Variants in ANKMY1 observed in about 807,000 individuals in gnomAD.
The protein encoded by ANKMY1 is ankyrin repeat and MYND domain containing 1, also known as ankyrin repeat and MYND domain-containing protein 1.
In ANKMY1, 98 loss-of-function variants were observed where a neutral mutation model predicts 102.0. That is an observed-to-expected ratio of 0.96 (90% CI 0.82 to 1.14). The LOEUF (loss-of-function observed/expected upper bound fraction) is 1.14. Among genes scored for constraint, ANKMY1 ranks in the 50% most tolerant of loss-of-function variants. The pLI is 0.00. For missense variants in ANKMY1, 1,330 were observed against 1,347.6 expected, an observed-to-expected ratio of 0.99 and a Z score of 0.20; for synonymous variants, 582 against 559.9, an observed-to-expected ratio of 1.04 and a Z score of -0.56.
Position 240,517,625 on chromosome 2 carries a change from C to A in ANKMY1, c.2004+2737G>T, listed in dbSNP as rs2081413015. Among the ~76,000 whole-genome samples the A allele has an allele frequency of 2.6e-5, 4 of 152,072 alleles. No homozygotes were observed. The South Asian group carries it at 8.3e-4, about 32-fold the overall frequency. On this transcript the variant is annotated intron_variant, in intron 9 of 17. Coordinates refer to ENST00000401804, the MANE Select transcript of ANKMY1 (RefSeq NM_001282771.3). Reference sequence around the variant, plus strand: ...AGGAGTTTGAGACCAACCTGGGCAACATAGTAAGACCCTGTCTTTACAAAA... The same window carrying A: ...AGGAGTTTGAGACCAACCTGGGCAAAATAGTAAGACCCTGTCTTTACAAAA...
At chr2:240,560,510 G>A (rs1323570829), upstream of ANKMY1, 1 of 1,026,532 alleles carries the variant, frequency 9.7e-7, no homozygotes, top group African/African-American at 1.7e-5. Context: ...CAAGCCCCCT[G>A]TCCCGGCCCA....
intron 4 of ANKMY1, among the ~76,000 whole-genome samples, chr2:240,550,543 T>C (rs2091329487): frequency 1.3e-5 from 2 of 152,086 alleles, no homozygotes; most frequent in Non-Finnish European, 2.9e-5. Context: ...AAGATCTTAC[T>C]CTTGATGAAG....
At chr2:240,494,084 G>A (rs1430067662) in intron 15 of ANKMY1, among the ~76,000 whole-genome samples, 1 of 152,080 alleles carries the variant, frequency 6.6e-6, no homozygotes, top group East Asian at 1.9e-4. Flanking sequence ...CCAACCTCAG[G>A]CCCCCAGGAG....
intron 4 of ANKMY1, among the ~76,000 whole-genome samples, chr2:240,544,780 C>T (rs1361642109): frequency 3.3e-5 from 5 of 152,218 alleles, no homozygotes; most frequent in Admixed American, 6.5e-5. Flanking sequence ...CACTCCCACC[C>T]GAATACTGCG....
intron 15 of ANKMY1, among the ~76,000 whole-genome samples, chr2:240,493,366 A>G (rs1413168780): frequency 5.9e-5 from 9 of 152,156 alleles, no homozygotes; most frequent in Non-Finnish European, 7.3e-5. Context: ...ATTGCTGGAT[A>G]ATTATGATAT....
At chr2:240,503,270 A>C (rs1488510049) in intron 13 of ANKMY1, among the ~76,000 whole-genome samples, 1 of 152,200 alleles carries the variant, frequency 6.6e-6, no homozygotes, top group Non-Finnish European at 1.5e-5. Flanking sequence ...TTGGGGCCCC[A>C]TATCTCAGCA....
At chr2:240,483,570 TTAA>T (rs1388136033) in intron 15 of ANKMY1, among the ~76,000 whole-genome samples, 1 of 152,264 alleles carries the variant, frequency 6.6e-6, no homozygotes, top group Non-Finnish European at 1.5e-5. Context: ...TTTAATGTTA[TTAA>T]TGATATCCTG....
Position 240,509,420 on chromosome 2 carries a change from G to A in ANKMY1, c.2322C>T (p.His774=), listed in dbSNP as rs148776770. 48 of 1,613,524 alleles carry A rather than the reference G, an allele frequency of 3.0e-5. No individual in the cohort carries two copies. Among genetic ancestry groups the A allele is most frequent in the South Asian group, 1.9e-4 (17 of 91,014 alleles). ...ARDIVRLLLS[H]GANPNLLWSG... is the part of the protein sequence containing the mutation. The stretch of plus-strand genomic sequence containing the variant: ...TCCACAGCAGGTTAGGATTTGCTCC[G>A]TGGGATAGAAGGAGCCGGACTATGT... Residue 774 remains histidine (H), a synonymous_variant, in exon 12 of 18, where the codon CAC becomes CAT. Transcript: ENST00000401804.
Position 240,524,208 on chromosome 2 carries a change from G to A in ANKMY1, c.1509C>T (p.Phe503=). 1.2e-6 allele frequency: 2 copies of A among 1,613,896 alleles called. No homozygotes were observed. Among genetic ancestry groups the A allele is most frequent in the Non-Finnish European group, 1.7e-6 (2 of 1,180,028 alleles). Residue 503 remains phenylalanine (F), a synonymous_variant, in exon 8 of 18, where the codon TTC becomes TTT. Transcript: ENST00000401804. The stretch of plus-strand genomic sequence containing the variant: ...ACCCCCCACACTGCCCGGTGTCCTG[G>A]AAGTGGCCGCCCTCGTGGCTGCCTG... ...RVSGSHEGGH[F]QDTGQCGGSI... is the part of the protein sequence containing the mutation.
intron 15 of ANKMY1, among the ~76,000 whole-genome samples, chr2:240,487,764 G>A (rs930233961): frequency 3.9e-5 from 6 of 152,042 alleles, no homozygotes; most frequent in African/African-American, 1.4e-4. Context: ...TACACCCACT[G>A]GCTGTTTGTA....
At chr2:240,557,518 T>G in intron 1 of ANKMY1, 166 bp from the exon 2 acceptor site, 1 of 695,006 alleles carries the variant, frequency 1.4e-6, no homozygotes, top group Non-Finnish European at 2.1e-6. Flanking sequence ...CCACCATCCC[T>G]GGGAGTCCTC....
intron 4 of ANKMY1, among the ~76,000 whole-genome samples, chr2:240,551,673 G>C (rs2091551256): frequency 6.6e-6 from 1 of 152,166 alleles, no homozygotes; most frequent in South Asian, 2.1e-4. Context: ...TGATTCCTAA[G>C]TGACCACATG....
chr2:240,508,995 T>C (rs907320848), intron 12 of ANKMY1, among the ~76,000 whole-genome samples: 7 of 151,754 alleles, frequency 4.6e-5, no homozygotes, highest in African/African-American at 7.3e-5. Flanking sequence ...TATAGATGGA[T>C]GGATGAGAGG....
chr2:240,505,048 CA>C (rs56217226), intron 13 of ANKMY1, among the ~76,000 whole-genome samples: 2 of 151,810 alleles, frequency 1.3e-5, no homozygotes, highest in African/African-American at 4.8e-5. Flanking sequence ...TGGCTACTAT[CA>C]AAAAAACAGA....
chr2:240,502,077 A>G (rs927314814), intron 13 of ANKMY1, among the ~76,000 whole-genome samples: 8 of 152,172 alleles, frequency 5.3e-5, no homozygotes, highest in African/African-American at 1.9e-4. Flanking sequence ...AGGGCTGGGT[A>G]CAGGCTGCCA....
At position 240,520,938 on chromosome 2, in the gene ANKMY1, CACACAAACCA is replaced by C. The variant is rs1264732598; in HGVS notation, c.1833-415_1833-406del. The stretch of plus-strand genomic sequence containing the variant: ...CCACACTACACATACAGCACACAAC[CACACAAACCA>C]CACACACACCACACACACCACTCAC... On this transcript the variant is annotated intron_variant, in intron 8 of 17. Coordinates refer to ENST00000401804, the MANE Select transcript of ANKMY1 (RefSeq NM_001282771.3). This position sits in a 1 kb window ranked among gnomAD's most constrained non-coding sequence, Gnocchi z 4.8. Among the ~76,000 whole-genome samples, 1 of 141,560 alleles carries C rather than the reference CACACAAACCA, an allele frequency of 7.1e-6. No individual in the cohort carries two copies. The highest frequency in any genetic ancestry group is 2.8e-5 in the African/African-American group (1 of 35,738). The allele number at this position is 141,560 out of a possible 152,430, so 92.9% of individuals were successfully genotyped here.
In ANKMY1 at chr2:240,520,586, G is replaced by A. The variant is rs752528231; in HGVS notation, c.1833-53C>T. 1 of 1,555,276 alleles carries A rather than the reference G, an allele frequency of 6.4e-7. No homozygotes were observed. The highest frequency in any genetic ancestry group is 2.3e-5 in the East Asian group (1 of 43,734). On this transcript the variant is annotated intron_variant, in intron 8 of 17. Coordinates refer to ENST00000401804, the MANE Select transcript of ANKMY1 (RefSeq NM_001282771.3). This position sits in a 1 kb window ranked among gnomAD's most constrained non-coding sequence, Gnocchi z 4.8. ...CCTGGAGGGCAGGCACCTGCACTGC[G>A]CCCAGAACGGGGCCATGCCAGCGAG...
At chr2:240,561,003 C>T (rs755273079), upstream of ANKMY1, 6 of 1,537,870 alleles carry the variant, frequency 3.9e-6, no homozygotes, top group South Asian at 1.2e-5. Context: ...CAAGAACGGC[C>T]GCAGCCGCTC....
rs144197394 is a variant in ANKMY1 at position 240,506,225 on chromosome 2, C to T, written c.2526+1335G>A. The stretch of plus-strand genomic sequence containing the variant: ...CACATTCAGCGTCCACACACAACAA[C>T]GCTGCCCCCTGAGCTGCCTCTCCCG... On this transcript the variant is annotated intron_variant, in intron 13 of 17. Coordinates refer to ENST00000401804, the MANE Select transcript of ANKMY1 (RefSeq NM_001282771.3). This position sits in a 1 kb window ranked among gnomAD's most constrained non-coding sequence, Gnocchi z 4.9. Among the ~76,000 whole-genome samples the T allele has an allele frequency of 7.9e-3, 1,199 of 152,330 alleles. 5 individuals are homozygous for T. The highest frequency in any genetic ancestry group is 0.013 in the Non-Finnish European group (880 of 68,030).
Sources: gnomAD v4.1 joint callset for allele counts (sites outside exome capture counted in the v4.1 genomes callset) on GRCh38, gnomAD v4.1.1 for gene constraint, Gnocchi (gnomAD v3.1) non-coding constraint, MANE v1.5 for transcripts, NCBI Gene and HGNC (gene_info 2026-07-23, HGNC 2026-07-21) for gene names.